Variants in HLCS observed in about 807,000 individuals in gnomAD.
HLCS encodes biotin--protein ligase.
A neutral mutation model predicts 75.0 loss-of-function variants in HLCS; 53 were observed. The ratio of observed to expected loss-of-function variants is 0.71; its 90% CI spans 0.57 to 0.89. The LOEUF (loss-of-function observed/expected upper bound fraction) is 0.89. Ranked by LOEUF, HLCS falls within the 40% of genes least tolerant of loss-of-function variation. HLCS has a pLI of 0.00. For synonymous variants in HLCS, 431 were observed against 428.6 expected (o/e 1.01, Z -0.07); for missense variants, 966 against 1,074.0 (o/e 0.90, Z 1.41).
intron 6 of HLCS, among the ~76,000 whole-genome samples, chr21:36,889,139 G>A (rs551585080): frequency 5.6e-4 from 85 of 152,220 alleles, no homozygotes; most frequent in Non-Finnish European, 7.3e-4. Flanking sequence ...CTTATCCCAT[G>A]AGGCAAAGAA....
At chr21:36,978,183 C>A (rs2068995120) in intron 1 of HLCS, among the ~76,000 whole-genome samples, 1 of 152,182 alleles carries the variant, frequency 6.6e-6, no homozygotes, top group African/African-American at 2.4e-5. Flanking sequence ...CTGCTTTTAT[C>A]ATCCCATTAA....
At chr21:36,920,342 GAA>G (rs77703894) in intron 5 of HLCS, among the ~76,000 whole-genome samples, 2 of 109,708 alleles carry the variant, frequency 1.8e-5, no homozygotes, top group Admixed American at 9.2e-5. Flanking sequence ...CAAGAAAAAA[GAA>G]AAAAAAAAAA....
At chr21:36,836,354 C>T (rs1256392427) in intron 6 of HLCS, among the ~76,000 whole-genome samples, 1 of 152,012 alleles carries the variant, frequency 6.6e-6, no homozygotes, top group African/African-American at 2.4e-5. Context: ...GGTACATGTG[C>T]ACAATGTGCA....
chr21:36,807,700 C>T (rs761286107), intron 6 of HLCS, among the ~76,000 whole-genome samples: 13 of 152,334 alleles, frequency 8.5e-5, no homozygotes, highest in Non-Finnish European at 8.8e-5. Flanking sequence ...CACCGCGTTT[C>T]ATCCTCACCA....
chr21:36,879,980 T>C (rs908049068), intron 6 of HLCS, among the ~76,000 whole-genome samples: 4 of 151,152 alleles, frequency 2.6e-5, no homozygotes, highest in Admixed American at 2.0e-4. Flanking sequence ...TTGCCCAGTA[T>C]CTGGTGCTCA....
chr21:36,883,338 A>C (rs1412745244), intron 6 of HLCS, among the ~76,000 whole-genome samples: 2 of 152,206 alleles, frequency 1.3e-5, no homozygotes, highest in Admixed American at 1.3e-4. Flanking sequence ...GAAGAGAGGG[A>C]TGCCTAACAA....
chr21:36,786,058 G>T (rs936635926), intron 6 of HLCS, among the ~76,000 whole-genome samples: 6 of 152,158 alleles, frequency 3.9e-5, no homozygotes, highest in African/African-American at 1.4e-4. Context: ...TTTCAACAGG[G>T]ACACTTCTGC....
At chr21:36,828,813 T>C (rs150492732) in intron 6 of HLCS, among the ~76,000 whole-genome samples, 2 of 152,218 alleles carry the variant, frequency 1.3e-5, no homozygotes, top group African/African-American at 2.4e-5. Flanking sequence ...TACTGGAAAA[T>C]AAAATGCAAT....
chr21:36,908,782 CTA>C (rs2065572460), intron 5 of HLCS, among the ~76,000 whole-genome samples: 1 of 152,132 alleles, frequency 6.6e-6, no homozygotes, highest in African/African-American at 2.4e-5. Flanking sequence ...ATCCAGTACA[CTA>C]TATGATTCCA....
At chr21:36,889,426 A>C (rs2064679753) in intron 6 of HLCS, among the ~76,000 whole-genome samples, 1 of 152,234 alleles carries the variant, frequency 6.6e-6, no homozygotes, top group African/African-American at 2.4e-5. Flanking sequence ...AGATGATTCC[A>C]AAAATAGCAC....
chr21:36,896,845 C>T lies in HLCS; in HGVS notation c.1892+15G>A. 6.2e-7 allele frequency: 1 copy of T among 1,613,862 alleles called. No homozygotes were observed. The highest frequency in any genetic ancestry group is 8.5e-7 in the Non-Finnish European group (1 of 1,179,778). The stretch of plus-strand genomic sequence containing the variant: ...AGGACTCCTCTGAGCAGATGCAGAC[C>T]TGCTCACACCTTACCCATCCAGGAG... On this transcript the variant is annotated intron_variant, in intron 6 of 10. Transcript: ENST00000674895.
chr21:36,793,678 T>C (rs1448525602), intron 6 of HLCS, among the ~76,000 whole-genome samples: 1 of 152,182 alleles, frequency 6.6e-6, no homozygotes, highest in Non-Finnish European at 1.5e-5. Flanking sequence ...GGATCAACTG[T>C]TATTTTTATA....
chr21:36,946,738 A>C (rs1245121671), intron 2 of HLCS, among the ~76,000 whole-genome samples: 1 of 152,240 alleles, frequency 6.6e-6, no homozygotes, highest in Non-Finnish European at 1.5e-5. Flanking sequence ...GAGAAACTCC[A>C]GAATTTTCAT....
intron 6 of HLCS, among the ~76,000 whole-genome samples, chr21:36,832,126 C>A (rs1291671191): frequency 6.6e-6 from 1 of 152,186 alleles, no homozygotes; most frequent in Non-Finnish European, 1.5e-5. Context: ...TCCTTTAAGG[C>A]CAGCCGGGTG....
At chr21:36,757,253 C>A (rs981774764) in intron 9 of HLCS, among the ~76,000 whole-genome samples, 3 of 152,176 alleles carry the variant, frequency 2.0e-5, no homozygotes, top group African/African-American at 2.4e-5. Flanking sequence ...CATGGCATAA[C>A]CCTAGAAATG....
intron 6 of HLCS, among the ~76,000 whole-genome samples, chr21:36,791,257 C>T (rs973382807): frequency 5.9e-5 from 9 of 152,118 alleles, no homozygotes; most frequent in Admixed American, 5.9e-4. Context: ...CAACAACATG[C>T]AGACCCCCAC....
chr21:36,927,079 A>C (rs1395249525), intron 5 of HLCS, among the ~76,000 whole-genome samples: 1 of 152,118 alleles, frequency 6.6e-6, no homozygotes, highest in Non-Finnish European at 1.5e-5. Context: ...GTGTGTGGTA[A>C]ACGTGTGTTT....
chr21:36,791,685 C>G (rs182933809), intron 6 of HLCS, among the ~76,000 whole-genome samples: 56 of 152,092 alleles, frequency 3.7e-4, no homozygotes, highest in Non-Finnish European at 5.0e-4. Flanking sequence ...GGGGCTCAGA[C>G]AGAATGCCGA....
rs116135638 is a variant in HLCS, at chr21:36,845,634, T to C, written c.1892+51226A>G. ...TAAGGCCCACTTGCTGCTCAAAAAT[T>C]GGCCCCCAGTGGTGGAGCGGGACTT... is the stretch of plus-strand genomic sequence containing the variant. On this transcript the variant is annotated intron_variant, in intron 6 of 10. Coordinates refer to ENST00000674895, the MANE Select transcript of HLCS (RefSeq NM_001352514.2). 4.3e-3 allele frequency among the ~76,000 whole-genome samples: 652 copies of C among 152,278 alleles called. 5 individuals carry two copies. Among genetic ancestry groups the C allele is most frequent in the African/African-American group, 0.015 (616 of 41,570 alleles).
Sources: allele counts gnomAD v4.1 joint callset (sites outside exome capture counted in the v4.1 genomes callset), GRCh38; gene constraint gnomAD v4.1.1; transcripts MANE v1.5; gene names NCBI Gene and HGNC (gene_info 2026-07-23, HGNC 2026-07-21).